Variants in ZNF180 observed in about 807,000 individuals in gnomAD.
The protein encoded by ZNF180 is zinc finger protein 180 (HHZ168).
A neutral mutation model predicts 11.8 loss-of-function variants in ZNF180; 11 were observed. That is an observed-to-expected ratio of 0.93 (90% CI 0.59 to 1.55). The LOEUF (loss-of-function observed/expected upper bound fraction) is 1.55, where lower values mean the gene tolerates loss of function less well. Among genes scored for constraint, ZNF180 ranks in the 40% most tolerant of loss-of-function variants. The probability of loss-of-function intolerance (pLI) is 0.00; values close to 1 mark genes in which losing one functional copy is unlikely to be tolerated. For synonymous variants in ZNF180, 287 were observed against 257.7 expected (o/e 1.11, Z -1.09); for missense variants, 773 against 781.7 (o/e 0.99, Z 0.13).
intron 2 of ZNF180, among the ~76,000 whole-genome samples, chr19:44,489,041 C>T (rs1035052683): frequency 3.3e-5 from 5 of 150,842 alleles, no homozygotes; most frequent in Non-Finnish European, 5.9e-5. Flanking sequence ...GCAGCCACCC[C>T]GTCCGGGAGG....
At chr19:44,494,936 G>A (rs1970540442) in intron 2 of ZNF180, among the ~76,000 whole-genome samples, 1 of 152,134 alleles carries the variant, frequency 6.6e-6, no homozygotes, top group Non-Finnish European at 1.5e-5. Flanking sequence ...GTATTAGGAT[G>A]TCACTGCTCC....
At chr19:44,496,672 C>CAAAAAAAAAAAAAAAAAAAAAAAAA (rs55678572) in intron 2 of ZNF180, 3 of 71,622 alleles carry the variant, frequency 4.2e-5, no homozygotes, top group African/African-American at 1.4e-4. Flanking sequence ...GACTCTGTCT[C>CAAAAAAAAAAAAAAAAAAAAAAAAA]AAAAAAAAAA....
At chr19:44,478,480 TAG>T (rs1348993556) in intron 4 of ZNF180, among the ~76,000 whole-genome samples, 15 of 152,356 alleles carry the variant, frequency 9.8e-5, no homozygotes, top group East Asian at 5.8e-4. Flanking sequence ...GCAATATGTA[TAG>T]AGAGTCTTTT....
At chr19:44,488,247 G>C (rs1970298333) in intron 2 of ZNF180, among the ~76,000 whole-genome samples, 4 of 109,940 alleles carry the variant, frequency 3.6e-5, no homozygotes, top group Admixed American at 2.1e-4. Context: ...TCTTTCCACG[G>C]TCTCCCTCTC....
At chr19:44,484,163 T>C (rs1401571257) in intron 3 of ZNF180, among the ~76,000 whole-genome samples, 198 bp downstream of exon 3, 3 of 151,946 alleles carry the variant, frequency 2.0e-5, no homozygotes, top group Non-Finnish European at 1.5e-5. Context: ...CCCAGCTAAC[T>C]TTTTTTGTAT....
intron 3 of ZNF180, among the ~76,000 whole-genome samples, chr19:44,481,533 C>G (rs565489172): frequency 6.6e-6 from 1 of 152,010 alleles, no homozygotes; most frequent in Non-Finnish European, 1.5e-5. Flanking sequence ...ACAGATAATA[C>G]TAAACTAGAT....
chr19:44,490,369 G>C (rs563291114), intron 2 of ZNF180, among the ~76,000 whole-genome samples: 1 of 152,234 alleles, frequency 6.6e-6, no homozygotes, highest in African/African-American at 2.4e-5. Context: ...CAAAATGCCA[G>C]AAAACAAAAA....
chr19:44,476,746 AT>A lies in ZNF180; in HGVS notation c.1653del (p.Glu551AspfsTer67), dbSNP rs750475404. On this transcript the variant is annotated frameshift_variant, in exon 5 of 5. Coordinates refer to ENST00000592529, the MANE Select transcript of ZNF180 (RefSeq NM_001278509.3). LOFTEE classifies it low-confidence loss of function (END_TRUNC). ...QRIHTGEKPYECNQCGKSFSQ... is the reference protein window; with the variant it reads ...QRIHTGEKPYXCNQCGKSFSQ... ...CTGAAGGATTTCCCACACTGATTAC[AT>A]TCATACGGTTTTTCCCCAGTGTGAA... The A allele has an allele frequency of 6.2e-7, 1 of 1,614,198 alleles. No homozygotes were observed. The highest frequency in any genetic ancestry group is 8.5e-7 in the Non-Finnish European group (1 of 1,180,026).
intron 2 of ZNF180, among the ~76,000 whole-genome samples, chr19:44,489,891 G>GAGAA (rs777888392): frequency 8.6e-6 from 1 of 116,524 alleles, no homozygotes; most frequent in African/African-American, 3.0e-5. Context: ...GAGAGAGAGA[G>GAGAA]AGAAAGAAAG....
At chr19:44,483,490 CTGAA>C (rs554922281) in intron 3 of ZNF180, among the ~76,000 whole-genome samples, 92 of 152,326 alleles carry the variant, frequency 6.0e-4, no homozygotes, top group South Asian at 3.7e-3. Flanking sequence ...GCCACTATCT[CTGAA>C]TGAAACTTTC....
chr19:44,482,824 A>ATT (rs2123454695), intron 3 of ZNF180, among the ~76,000 whole-genome samples: 1 of 152,290 alleles, frequency 6.6e-6, no homozygotes, highest in African/African-American at 2.4e-5. Flanking sequence ...TAGCAGTATT[A>ATT]TTTTTTTCTT....
rs1264900513 is a variant in ZNF180, at chr19:44,474,936, A to C, written c.*1466T>G. On this transcript the variant is annotated 3_prime_UTR_variant, in exon 5 of 5. Transcript: ENST00000592529. ...TGCAACAATCTCTGGATTAATCCTC[A>C]TAGAGATGGCTCCACTTAGGGTCAT... 1.3e-5 allele frequency: 2 copies of C among 152,238 alleles called. No individual in the cohort carries two copies. Among genetic ancestry groups the C allele is most frequent in the Non-Finnish European group, 2.9e-5 (2 of 68,036 alleles). The allele number at this position is 152,238 out of a possible 1,614,324, so 9.4% of individuals were successfully genotyped here. A position where few individuals can be genotyped will look rare whatever the true frequency, so the allele number is the denominator to read the frequency against.
intron 1 of ZNF180, among the ~76,000 whole-genome samples, chr19:44,498,514 G>A (rs1001302615): frequency 6.6e-6 from 1 of 152,106 alleles, no homozygotes; most frequent in Non-Finnish European, 1.5e-5. Context: ...ATCTTTCGGG[G>A]GCACCTGTGG....
intron 3 of ZNF180, 79 bp downstream of exon 3, chr19:44,484,282 G>T: frequency 8.3e-7 from 1 of 1,207,504 alleles, no homozygotes; most frequent in Non-Finnish European, 1.2e-6. Context: ...CACCGCGCCC[G>T]GCCTATTTCC....
chr19:44,500,219 T>A (rs757589162), intron 1 of ZNF180, 56 bp downstream of exon 1: 6 of 1,614,114 alleles, frequency 3.7e-6, no homozygotes, highest in Non-Finnish European at 5.1e-6. Flanking sequence ...GCTTCCCGCG[T>A]AGACCCTGCG....
In ZNF180 at chr19:44,480,351, C is replaced by G. The variant is rs181115497; in HGVS notation, c.127-942G>C. Among the ~76,000 whole-genome samples the G allele has an allele frequency of 1.2e-4, 19 of 152,284 alleles. No individual in the cohort carries two copies. In the East Asian group the frequency reaches 3.3e-3, roughly 26 times the overall value. ...GACTCCTGTGTTCAAGGAATCTTCC[C>G]ATCTCAGACTCCCACAGTGCTGGAA... is the stretch of plus-strand genomic sequence containing the variant. On this transcript the variant is annotated intron_variant, in intron 3 of 4. Transcript: ENST00000592529.
At chr19:44,498,595 G>A (rs1970651105) in intron 1 of ZNF180, among the ~76,000 whole-genome samples, 1 of 152,018 alleles carries the variant, frequency 6.6e-6, no homozygotes, top group African/African-American at 2.4e-5. Flanking sequence ...ATCACACAAA[G>A]ACCCCAGCAC....
chr19:44,476,818 C>T lies in ZNF180; in HGVS notation c.1582G>A (p.Gly528Arg), dbSNP rs1174375130. ...TGAGAACTGCGGTTAAAAGATTTTCCACATTCACTACATTCATACGGTTTC... is the reference window on the plus strand; with the variant it reads ...TGAGAACTGCGGTTAAAAGATTTTCTACATTCACTACATTCATACGGTTTC... ...GEKPYECSEC[G>R]KSFNRSSHLV... The change falls in exon 5 of 5, where the codon GGA becomes AGA. Residue 528 changes from glycine to arginine, a missense_variant. Coordinates refer to ENST00000592529, the MANE Select transcript of ZNF180 (RefSeq NM_001278509.3). 1 of 1,614,098 alleles carries T rather than the reference C, an allele frequency of 6.2e-7. No homozygotes were observed. Among genetic ancestry groups the T allele is most frequent in the Non-Finnish European group, 8.5e-7 (1 of 1,179,990 alleles).
At chr19:44,480,815 AT>A (rs780729193) in intron 3 of ZNF180, among the ~76,000 whole-genome samples, 100 of 152,316 alleles carry the variant, frequency 6.6e-4, no homozygotes, top group Admixed American at 3.7e-3. Context: ...CACTTGTGGC[AT>A]TATGCTGGGG....
Sources: gnomAD v4.1 joint callset for allele counts (sites outside exome capture counted in the v4.1 genomes callset) on GRCh38, gnomAD v4.1.1 for gene constraint, MANE v1.5 for transcripts, NCBI Gene and HGNC (gene_info 2026-07-23, HGNC 2026-07-21) for gene names.